KAZN: variants seen among roughly 807,000 people sequenced by gnomAD.
KAZN encodes the protein kazrin.
Under a neutral mutation model 87.4 loss-of-function variants are expected in KAZN, and 40 were observed. The observed-to-expected ratio is 0.46, with a 90% confidence interval of 0.36 to 0.60. The LOEUF is 0.60. KAZN is among the 20% of genes least tolerant of loss of function. The pLI is 0.00. For missense variants in KAZN, 898 were observed against 1,073.9 expected, an observed-to-expected ratio of 0.84 and a Z score of 2.29; for synonymous variants, 466 against 458.3, an observed-to-expected ratio of 1.02 and a Z score of -0.22.
chr1:14,983,093 T>A (rs1170636903), intron 2 of KAZN, among the ~76,000 whole-genome samples: 1 of 152,226 alleles, frequency 6.6e-6, no homozygotes, highest in Non-Finnish European at 1.5e-5. Flanking sequence ...GGGGGCTTTT[T>A]ATTCCAGAAA....
chr1:14,841,322 T>A (rs1572623956), intron 1 of KAZN, among the ~76,000 whole-genome samples: 1 of 143,022 alleles, frequency 7.0e-6, no homozygotes, highest in African/African-American at 2.6e-5. Context: ...AGGAGAATGG[T>A]GTGAACCCGG....
intron 1 of KAZN, among the ~76,000 whole-genome samples, chr1:14,627,357 G>T (rs75016900): frequency 2.6e-5 from 4 of 152,022 alleles, no homozygotes; most frequent in Non-Finnish European, 5.9e-5. Flanking sequence ...CCAGCAAGTC[G>T]CCCAGGAGGT....
At chr1:14,286,518 A>G (rs1346869058) in intron 2 of KAZN, among the ~76,000 whole-genome samples, 1 of 152,240 alleles carries the variant, frequency 6.6e-6, no homozygotes, top group Admixed American at 6.5e-5. Flanking sequence ...TAAGGATTAG[A>G]CCATCCATGT....
At chr1:14,577,991 TC>T (rs1675296936) in intron 2 of KAZN, among the ~76,000 whole-genome samples, 1 of 152,124 alleles carries the variant, frequency 6.6e-6, no homozygotes, top group African/African-American at 2.4e-5. Context: ...TAGCTCTGTG[TC>T]CTTGGGAAAG....
chr1:14,234,813 A>G (rs1398404085), intron 2 of KAZN, among the ~76,000 whole-genome samples: 1 of 152,252 alleles, frequency 6.6e-6, no homozygotes, highest in Non-Finnish European at 1.5e-5. Context: ...ACCTTTTGGC[A>G]AAGCAGGTTG....
intron 1 of KAZN, among the ~76,000 whole-genome samples, chr1:14,659,418 T>G (rs1030524208): frequency 6.6e-6 from 1 of 151,696 alleles, no homozygotes; most frequent in Non-Finnish European, 1.5e-5. Flanking sequence ...GGGAGTCACA[T>G]GGGGGGAAGT....
upstream of KAZN, among the ~76,000 whole-genome samples, chr1:14,595,680 C>CAAAAAAAAAAAAAAAAA (rs34080804): frequency 1.0e-5 from 1 of 96,692 alleles, no homozygotes; most frequent in African/African-American, 4.5e-5. Context: ...GACTGCGTCT[C>CAAAAAAAAAAAAAAAAA]AAAAAAAAAA....
intron 1 of KAZN, among the ~76,000 whole-genome samples, chr1:14,858,228 T>TTTTTTTTTTTTTTTTTC (rs1468006461): frequency 6.8e-6 from 1 of 146,226 alleles, no homozygotes; most frequent in African/African-American, 2.6e-5. Context: ...TTTTTTTTTT[T>TTTTTTTTTTTTTTTTTC]TTGAGACAAA....
intron 1 of KAZN, among the ~76,000 whole-genome samples, chr1:14,653,652 G>A (rs1026302155): frequency 2.0e-5 from 3 of 152,184 alleles, no homozygotes; most frequent in Admixed American, 6.5e-5. Flanking sequence ...CACATCCCTC[G>A]GGGTTTTGAC....
chr1:14,818,561 A>AT lies in KAZN; in HGVS notation c.227-142122dup, dbSNP rs560655128. 2.3e-3 allele frequency among the ~76,000 whole-genome samples: 358 copies of AT among 152,366 alleles called. 5 individuals carry two copies. Among genetic ancestry groups the AT allele is most frequent in the African/African-American group, 8.1e-3 (336 of 41,584 alleles). On this transcript the variant is annotated intron_variant, in intron 1 of 14. Transcript: ENST00000376030. ...GGAGCTGCAGCTTTGAGTTTGAGGC[A>AT]TGAGGCCAACCCCAGCAACAGCACG... is the stretch of plus-strand genomic sequence containing the variant.
rs140846164 is a variant in KAZN, at chr1:14,865,877, A to T, written c.227-94807A>T. ...GTGGGACCACAGAGGCAGAGATTGG[A>T]GTGAGGCAGCCACAAGCCAAGGAGT... On this transcript the variant is annotated intron_variant, in intron 1 of 14. Transcript: ENST00000376030. Among the ~76,000 whole-genome samples the T allele has an allele frequency of 5.1e-3, 781 of 152,252 alleles. 5 individuals carry two copies. The highest frequency in any genetic ancestry group is 0.017 in the Middle Eastern group (5 of 292).
chr1:14,678,942 T>C (rs1640404708), intron 1 of KAZN, among the ~76,000 whole-genome samples: 1 of 152,202 alleles, frequency 6.6e-6, no homozygotes, highest in Non-Finnish European at 1.5e-5. Context: ...GAACCAGAGA[T>C]TAATTACATA....
chr1:14,726,960 G>T (rs1422813515), intron 1 of KAZN, among the ~76,000 whole-genome samples: 4 of 152,176 alleles, frequency 2.6e-5, no homozygotes, highest in Non-Finnish European at 5.9e-5. Context: ...CCTCTGTGGT[G>T]ATGCCAACAC....
At chr1:14,945,369 G>C (rs1661636051) in intron 1 of KAZN, among the ~76,000 whole-genome samples, 2 of 152,216 alleles carry the variant, frequency 1.3e-5, no homozygotes, top group African/African-American at 4.8e-5. Context: ...CAGGCCGGAA[G>C]GGCCCTCCCC....
rs181296291 is a variant in KAZN at position 14,836,071 on chromosome 1, G to A, written c.227-124613G>A. 6.7e-3 allele frequency among the ~76,000 whole-genome samples: 1,016 copies of A among 152,220 alleles called. 7 individuals carry two copies. Among genetic ancestry groups the A allele is most frequent in the Admixed American group, 0.019 (289 of 15,290 alleles). On this transcript the variant is annotated intron_variant, in intron 1 of 14. Coordinates refer to ENST00000376030, the MANE Select transcript of KAZN (RefSeq NM_201628.3). ...GCAGGCCCCTGAGCCCCTCCGCCCC[G>A]CTAGCAGGAGACCTGACCTGTAAGT...
rs112973468 is a variant in KAZN at position 14,018,065 on chromosome 1, C to G, written c.91+124309C>G. Among the ~76,000 whole-genome samples, 203 of 152,270 alleles carry G rather than the reference C, an allele frequency of 1.3e-3. 2 individuals carry two copies. Among genetic ancestry groups the G allele is most frequent in the African/African-American group, 4.8e-3 (198 of 41,560 alleles). ...TTAAATTATTATCCCCATTTGGCAGCTGAGGAACCTGAGGCACAGAGAGAC... is the reference window on the plus strand; with the variant it reads ...TTAAATTATTATCCCCATTTGGCAGGTGAGGAACCTGAGGCACAGAGAGAC... On this transcript the variant is annotated intron_variant, in intron 1 of 16. Transcript: ENST00000636203.
intron 1 of KAZN, among the ~76,000 whole-genome samples, chr1:14,627,757 C>T (rs761192): frequency 0.21 from 31,558 of 152,056 alleles, 3,575 homozygotes; most frequent in East Asian, 0.26. Context: ...GCATAACCCC[C>T]GACCGCCAAA....
At chr1:14,091,109 CAAAA>C (rs779056126) in intron 1 of KAZN, among the ~76,000 whole-genome samples, 35 of 51,944 alleles carry the variant, frequency 6.7e-4, no homozygotes, top group African/African-American at 1.5e-3. Flanking sequence ...GAGACTCTGT[CAAAA>C]AAAAAAAAAA....
At chr1:14,692,024 A>G (rs573220895) in intron 1 of KAZN, 9 of 216,714 alleles carry the variant, frequency 4.2e-5, no homozygotes, top group African/African-American at 2.1e-4. Context: ...ACATTCTTAT[A>G]CTACCTGAAC....
Sources: allele counts gnomAD v4.1 joint callset (sites outside exome capture counted in the v4.1 genomes callset), GRCh38; gene constraint gnomAD v4.1.1; transcripts MANE v1.5; gene names NCBI Gene and HGNC (gene_info 2026-07-23, HGNC 2026-07-21).